The following COL4A6 variants were observed in gnomAD, a reference collection of about 807,000 sequenced individuals.
The protein encoded by COL4A6 is collagen alpha-6(IV) chain.
Under a neutral mutation model 126.7 loss-of-function variants are expected in COL4A6, and 59 were observed. The ratio of observed to expected loss-of-function variants is 0.47; its 90% CI spans 0.38 to 0.58. The LOEUF is 0.58. COL4A6 is among the 20% of genes least tolerant of loss of function. The pLI, the probability that COL4A6 is intolerant of heterozygous loss-of-function variation, is 0.00. For missense variants in COL4A6, 1,285 were observed against 1,337.3 expected (o/e 0.96, Z 0.61); for synonymous variants, 547 against 496.6 (o/e 1.10, Z -1.35).
At chrX:108,210,705 A>T (rs1012589427) in intron 7 of COL4A6, among the ~76,000 whole-genome samples, 3 of 112,062 alleles carry the variant, frequency 2.7e-5, no homozygotes, top group Non-Finnish European at 5.6e-5. Context: ...TCTTTAGTGA[A>T]CTGGCTTTGA....
chrX:108,406,440 A>G, intron 2 of COL4A6, among the ~76,000 whole-genome samples: 1 of 112,208 alleles, frequency 8.9e-6, no homozygotes. Context: ...TATCACTTAC[A>G]TGATACATTT....
At chrX:108,207,425 T>C (rs1297518414) in intron 8 of COL4A6, among the ~76,000 whole-genome samples, 3 of 111,099 alleles carry the variant, frequency 2.7e-5, no homozygotes, top group Non-Finnish European at 5.7e-5. Flanking sequence ...CAAACCACCA[T>C]GGCACACGTT....
intron 2 of COL4A6, among the ~76,000 whole-genome samples, chrX:108,342,409 T>C (rs2148007528): frequency 9.0e-6 from 1 of 111,682 alleles, no homozygotes; most frequent in South Asian, 3.8e-4. Context: ...AAATGATATA[T>C]CCCTACTACC....
intron 2 of COL4A6, among the ~76,000 whole-genome samples, chrX:108,340,982 G>T (rs759235417): frequency 1.8e-5 from 2 of 110,722 alleles, no homozygotes; most frequent in African/African-American, 3.3e-5. Context: ...ATTTAGAAAA[G>T]ATTTTAATAA....
chrX:108,338,731 A>G (rs144560233), intron 2 of COL4A6, among the ~76,000 whole-genome samples: 1 of 112,409 alleles, frequency 8.9e-6, no homozygotes, highest in East Asian at 2.8e-4. Flanking sequence ...GTTGCAAACA[A>G]ACACATAAAC....
chrX:108,389,759 G>C (rs1292112678), intron 2 of COL4A6, among the ~76,000 whole-genome samples: 1 of 111,353 alleles, frequency 9.0e-6, no homozygotes, highest in Non-Finnish European at 1.9e-5. Flanking sequence ...ACGTGAATTT[G>C]ATCCTGTCGT....
In COL4A6 at chrX:108,187,109, A is replaced by G; in HGVS notation, c.1938T>C (p.Leu646=). Residue 646 remains leucine, a synonymous_variant, in exon 23 of 45, where the codon CTT becomes CTC. Coordinates refer to ENST00000334504, the MANE Select transcript of COL4A6 (RefSeq NM_033641.4). The part of the protein sequence containing the change: ...GKDGLPGQQG[L]PGSKGITLPC... ...TCTATGACTCACCCTTAGATCCGGG[A>G]AGGCCTTGTTGTCCCGGTAATCCAT... The G allele has an allele frequency of 8.6e-7, 1 of 1,156,250 alleles. No individual in the cohort carries two copies. Among genetic ancestry groups the G allele is most frequent in the Non-Finnish European group, 1.2e-6 (1 of 862,936 alleles).
At chrX:108,408,886 G>A (rs954366979) in intron 2 of COL4A6, among the ~76,000 whole-genome samples, 1 of 111,706 alleles carries the variant, frequency 9.0e-6, no homozygotes, top group Non-Finnish European at 1.9e-5. Context: ...GCTTGAACCC[G>A]GGAGGCAGAG....
intron 2 of COL4A6, among the ~76,000 whole-genome samples, chrX:108,336,405 A>C (rs2039433087): frequency 8.9e-6 from 1 of 111,974 alleles, no homozygotes; most frequent in Non-Finnish European, 1.9e-5. Flanking sequence ...GTATTCTATT[A>C]TTTCATTTAT....
At chrX:108,379,174 A>T (rs1178123584) in intron 2 of COL4A6, among the ~76,000 whole-genome samples, 1 of 112,273 alleles carries the variant, frequency 8.9e-6, no homozygotes, top group Non-Finnish European at 1.9e-5. Context: ...TTTGATCTCA[A>T]TGCTCCACCT....
At chrX:108,265,605 G>A (rs1048560496) in intron 3 of COL4A6, among the ~76,000 whole-genome samples, 1 of 110,797 alleles carries the variant, frequency 9.0e-6, no homozygotes. Context: ...GTTGGGTGAG[G>A]AAGCCAAGTG....
At position 108,202,944 on chromosome X, in the gene COL4A6, C is replaced by T. The variant is rs765828629; in HGVS notation, c.818G>A (p.Gly273Asp). Residue 273 changes from glycine (G) to aspartate (D), a missense_variant, in exon 13 of 45, where the codon GGC becomes GAC. By Grantham distance (94) the Gly-to-Asp change is moderately conservative. Coordinates refer to ENST00000334504, the MANE Select transcript of COL4A6 (RefSeq NM_033641.4). ...PGPKGFPGIS[G>D]PPGFPGLGTT... is the part of the protein sequence containing the mutation. ...GAGACTTACCGGGAAGCCTGGAGGG[C>T]CACTTATGCCTGGAAAACCCTTAGG... is the stretch of plus-strand genomic sequence containing the variant. 2 of 1,210,015 alleles carry T rather than the reference C, an allele frequency of 1.7e-6. No homozygotes were observed. Among genetic ancestry groups the T allele is most frequent in the South Asian group, 3.5e-5 (2 of 56,855 alleles).
intron 2 of COL4A6, among the ~76,000 whole-genome samples, chrX:108,418,209 T>C (rs758091729): frequency 1.8e-5 from 2 of 112,088 alleles, no homozygotes; most frequent in African/African-American, 6.5e-5. Flanking sequence ...CTTAGGAAAT[T>C]GGTTGATATC....
chrX:108,345,301 A>C (rs2039680673), intron 2 of COL4A6, among the ~76,000 whole-genome samples: 1 of 111,922 alleles, frequency 8.9e-6, no homozygotes, highest in African/African-American at 3.2e-5. Flanking sequence ...ATCATCCATA[A>C]ATGAAACAAA....
chrX:108,426,702 T>C (rs1034344836), intron 2 of COL4A6, among the ~76,000 whole-genome samples: 4 of 112,064 alleles, frequency 3.6e-5, no homozygotes, highest in African/African-American at 1.3e-4. Flanking sequence ...GTGGCCTCAC[T>C]ACCCATTTCT....
At chrX:108,377,458 A>G (rs2040463391) in intron 2 of COL4A6, among the ~76,000 whole-genome samples, 1 of 109,399 alleles carries the variant, frequency 9.1e-6, no homozygotes, top group African/African-American at 3.3e-5. Flanking sequence ...GTTTATTGAC[A>G]GTCTATAATC....
chrX:108,356,513 T>C (rs2039964312), intron 2 of COL4A6, among the ~76,000 whole-genome samples: 1 of 110,729 alleles, frequency 9.0e-6, no homozygotes, highest in Non-Finnish European at 1.9e-5. Flanking sequence ...TCCTAGGAAG[T>C]AAATAGGTTT....
At chrX:108,404,091 T>C (rs2041153776) in intron 2 of COL4A6, among the ~76,000 whole-genome samples, 1 of 111,572 alleles carries the variant, frequency 9.0e-6, no homozygotes, top group African/African-American at 3.3e-5. Flanking sequence ...GCAACTCCCA[T>C]ATTTCTGCAC....
At chrX:108,331,166 C>T (rs1411506222) in intron 2 of COL4A6, among the ~76,000 whole-genome samples, 5 of 111,641 alleles carry the variant, frequency 4.5e-5, no homozygotes, top group Non-Finnish European at 9.4e-5. Context: ...TCTAAATATT[C>T]CCAGAGCCTA....
Sources: allele counts gnomAD v4.1 joint callset (sites outside exome capture counted in the v4.1 genomes callset), GRCh38; gene constraint gnomAD v4.1.1; transcripts MANE v1.5; gene names NCBI Gene and HGNC (gene_info 2026-07-23, HGNC 2026-07-21).